TAX1BP1: variants seen among roughly 807,000 people sequenced by gnomAD.
The protein encoded by TAX1BP1 is Tax1 binding protein 1.
TAX1BP1 carries 62 observed loss-of-function variants against 97.7 expected under a neutral mutation model. The ratio of observed to expected loss-of-function variants is 0.63; its 90% CI spans 0.52 to 0.78. TAX1BP1 has a LOEUF of 0.78. Among genes scored for constraint, TAX1BP1 ranks in the 30% least tolerant of loss-of-function variants. TAX1BP1 has a pLI of 0.00. For missense variants in TAX1BP1, 867 were observed against 916.1 expected (o/e 0.95, Z 0.69); for synonymous variants, 340 against 304.2 (o/e 1.12, Z -1.23).
rs766411798 is a variant in TAX1BP1 at position 27,769,865 on chromosome 7, T to C, written c.612+31T>C. On this transcript the variant is annotated intron_variant, in intron 5 of 16. Coordinates refer to ENST00000396319, the MANE Select transcript of TAX1BP1 (RefSeq NM_006024.7). Reference sequence around the variant, plus strand: ...TTGTGTCTTATGTAACTGATTGAAGTTGATAGTATATTGCCTGAAACCCAC... The same window carrying C: ...TTGTGTCTTATGTAACTGATTGAAGCTGATAGTATATTGCCTGAAACCCAC... 3 of 1,605,742 alleles carry C rather than the reference T, an allele frequency of 1.9e-6. No individual in the cohort carries two copies. The South Asian group carries it at 3.4e-5, about 18-fold the overall frequency.
chr7:27,823,796 T>G (rs1791070543), intron 15 of TAX1BP1, among the ~76,000 whole-genome samples: 2 of 152,196 alleles, frequency 1.3e-5, no homozygotes, highest in Admixed American at 1.3e-4. Context: ...CTCCAGTCCC[T>G]GAAAACCACC....
chr7:27,769,616 G>A, intron 4 of TAX1BP1, 60 bp from the exon 5 acceptor site: 1 of 1,368,298 alleles, frequency 7.3e-7, no homozygotes. Flanking sequence ...AACTAAATTT[G>A]TAATAACATA....
At chr7:27,746,089 T>A (rs1787804878) in intron 1 of TAX1BP1, among the ~76,000 whole-genome samples, 1 of 152,154 alleles carries the variant, frequency 6.6e-6, no homozygotes, top group African/African-American at 2.4e-5. Flanking sequence ...ATAAAAAAAA[T>A]AGTTACAGCT....
intron 13 of TAX1BP1, among the ~76,000 whole-genome samples, chr7:27,814,457 G>A (rs1341102124): frequency 6.6e-6 from 1 of 152,100 alleles, no homozygotes; most frequent in African/African-American, 2.4e-5. Flanking sequence ...GTTAATTTGG[G>A]GGGGGAATTA....
chr7:27,741,487 A>G (rs931800564), intron 1 of TAX1BP1, among the ~76,000 whole-genome samples: 4 of 149,784 alleles, frequency 2.7e-5, no homozygotes, highest in African/African-American at 7.3e-5. Context: ...TTTGTTTTCT[A>G]GTCATCACGT....
Position 27,745,205 on chromosome 7 carries a change from A to G in TAX1BP1, c.-7-3313A>G, listed in dbSNP as rs1490845776. On this transcript the variant is annotated intron_variant, in intron 1 of 16. Transcript: ENST00000396319. ...TGTGTAGGGAGTGTACTTCTCTCCAACTGAGAGGAGGTTTGTACTTTTTCT... is the reference window on the plus strand; with the variant it reads ...TGTGTAGGGAGTGTACTTCTCTCCAGCTGAGAGGAGGTTTGTACTTTTTCT... 2.6e-5 allele frequency among the ~76,000 whole-genome samples: 4 copies of G among 152,210 alleles called. No individual in the cohort carries two copies. In the East Asian group the frequency reaches 7.7e-4, roughly 29 times the overall value.
intron 15 of TAX1BP1, among the ~76,000 whole-genome samples, chr7:27,822,642 A>G (rs1366876530): frequency 6.6e-6 from 1 of 152,158 alleles, no homozygotes; most frequent in East Asian, 1.9e-4. Flanking sequence ...GGCCATTTGT[A>G]TATCCTCTTT....
At position 27,795,795 on chromosome 7, in the gene TAX1BP1, C is replaced by A. The variant is rs1414338837; in HGVS notation, c.1535-321C>A. 2.0e-5 allele frequency among the ~76,000 whole-genome samples: 3 copies of A among 152,152 alleles called. No homozygotes were observed. In the East Asian group the frequency reaches 5.8e-4, roughly 29 times the overall value. ...TCTCGATCTCCTGCCTCGGCCTCGACCCGCCTTGGCCTCCCAAAGTGCTGG... is the reference window on the plus strand; with the variant it reads ...TCTCGATCTCCTGCCTCGGCCTCGAACCGCCTTGGCCTCCCAAAGTGCTGG... On this transcript the variant is annotated intron_variant, in intron 11 of 16. Coordinates refer to ENST00000396319, the MANE Select transcript of TAX1BP1 (RefSeq NM_006024.7).
intron 5 of TAX1BP1, among the ~76,000 whole-genome samples, chr7:27,774,268 A>G (rs1244657538): frequency 6.6e-6 from 1 of 152,102 alleles, no homozygotes; most frequent in Admixed American, 6.6e-5. Flanking sequence ...GAGTGACAGC[A>G]TATACTGCAA....
chr7:27,768,080 T>A (rs947921901), intron 4 of TAX1BP1, among the ~76,000 whole-genome samples: 1 of 152,004 alleles, frequency 6.6e-6, no homozygotes, highest in Non-Finnish European at 1.5e-5. Context: ...TATTTGACTA[T>A]GGCCTATTGG....
chr7:27,769,041 A>T (rs1467423763), intron 4 of TAX1BP1, among the ~76,000 whole-genome samples: 1 of 151,862 alleles, frequency 6.6e-6, no homozygotes. Context: ...ATTTTCCTGA[A>T]CTATTAGCTG....
Position 27,803,058 on chromosome 7 carries a change from G to A in TAX1BP1, c.1764+2968G>A, listed in dbSNP as rs910088243. On this transcript the variant is annotated intron_variant, in intron 13 of 16. Coordinates refer to ENST00000396319, the MANE Select transcript of TAX1BP1 (RefSeq NM_006024.7). ...TATAAACCAGATCTCAAAGTTGCAA[G>A]GAGGGAGTAGGTAAATGAAAAAAAA... 5 of 1,508,234 alleles carry A rather than the reference G, an allele frequency of 3.3e-6. No individual in the cohort carries two copies. The African/African-American group carries it at 7.0e-5, about 21-fold the overall frequency. 93.4% of individuals were successfully genotyped at this position (1,508,234 alleles called of 1,614,324 possible).
chr7:27,786,972 GAT>G (rs534546965), intron 7 of TAX1BP1, among the ~76,000 whole-genome samples: 96 of 152,320 alleles, frequency 6.3e-4, no homozygotes, highest in South Asian at 1.2e-3. Context: ...GAAACTAAAT[GAT>G]ATCGTACTTT....
In TAX1BP1 at chr7:27,785,245, A is replaced by T. The variant is rs752399931; in HGVS notation, c.695A>T (p.His232Leu). 1.2e-5 allele frequency: 20 copies of T among 1,613,486 alleles called. No homozygotes were observed. The East Asian group carries it at 4.5e-4, about 36-fold the overall frequency. The stretch of plus-strand genomic sequence containing the variant: ...TTCAGTGATGCTACATCCAAAGCCC[A>T]TCAGCTTGAGGAAGATATTGTGTCA... ...KRFSDATSKA[H>L]QLEEDIVSVT... Residue 232 changes from histidine (H) to leucine (L), a missense_variant, in exon 6 of 17, where the codon CAT becomes CTT. Physicochemically the swap from His to Leu is moderately conservative, Grantham distance 99 (BLOSUM62 -3). Around this residue, in one of 3 missense-constraint regions of TAX1BP1, gnomAD observed 822 missense variants for 851.4 expected, o/e 0.97. Coordinates refer to ENST00000396319, the MANE Select transcript of TAX1BP1 (RefSeq NM_006024.7).
intron 12 of TAX1BP1, among the ~76,000 whole-genome samples, chr7:27,798,662 T>TC (rs1790024328): frequency 9.4e-6 from 1 of 105,860 alleles, no homozygotes; most frequent in East Asian, 2.7e-4. Flanking sequence ...AGACTCTGTC[T>TC]CAAAAAAAAA....
intron 1 of TAX1BP1, among the ~76,000 whole-genome samples, chr7:27,742,001 C>T (rs1787629267): frequency 6.6e-6 from 1 of 152,236 alleles, no homozygotes; most frequent in Non-Finnish European, 1.5e-5. Context: ...CAATGCTTTA[C>T]AAAGCAGTAT....
At chr7:27,828,607 T>C in intron 16 of TAX1BP1, 21 bp from the exon 17 acceptor site, 1 of 1,606,190 alleles carries the variant, frequency 6.2e-7, no homozygotes, top group South Asian at 1.1e-5. Context: ...AACATGTAAT[T>C]CTTTCATTTT....
At chr7:27,739,998 A>G (rs892417011), upstream of TAX1BP1, 2 of 152,250 alleles carry the variant, frequency 1.3e-5, no homozygotes, top group Non-Finnish European at 2.9e-5. Flanking sequence ...GGACGAAGTA[A>G]GGAGAGAGCC....
intron 13 of TAX1BP1, chr7:27,803,191 A>G (rs762530084): frequency 3.7e-5 from 56 of 1,523,452 alleles, no homozygotes; most frequent in Admixed American, 6.1e-5. Flanking sequence ...GTATTGAGCA[A>G]TGTAGTTAAA....
Sources: allele counts gnomAD v4.1 joint callset (sites outside exome capture counted in the v4.1 genomes callset), GRCh38; gene constraint gnomAD v4.1.1; regional missense constraint gnomAD v4.1.1; transcripts MANE v1.5; gene names NCBI Gene and HGNC (gene_info 2026-07-23, HGNC 2026-07-21).